Variants in METAP1 observed in about 807,000 individuals in gnomAD.
METAP1 encodes the protein methionyl aminopeptidase 1.
METAP1 carries 28 observed loss-of-function variants against 53.8 expected under a neutral mutation model. That is an observed-to-expected ratio of 0.52 (90% CI 0.39 to 0.71). The LOEUF is 0.71. Among genes scored for constraint, METAP1 ranks in the 30% least tolerant of loss-of-function variants. The probability of loss-of-function intolerance (pLI) is 0.00; values close to 1 mark genes in which losing one functional copy is unlikely to be tolerated. For synonymous variants in METAP1, 181 were observed against 165.7 expected, an observed-to-expected ratio of 1.09 and a Z score of -0.71; for missense variants, 389 against 479.8, an observed-to-expected ratio of 0.81 and a Z score of 1.77.
chr4:99,035,340 T>A (rs1474676556), intron 3 of METAP1, 60 bp from the exon 4 acceptor site: 1 of 1,230,716 alleles, frequency 8.1e-7, no homozygotes. Flanking sequence ...TGGACTTCTT[T>A]CTCCCCTCGT....
chr4:99,022,806 C>T, intron 1 of METAP1: 1 of 1,595,014 alleles, frequency 6.3e-7, no homozygotes, highest in East Asian at 2.3e-5. Flanking sequence ...CGGAACTCCA[C>T]CCATCCCTCT....
Position 99,039,532 on chromosome 4 carries a change from T to C in METAP1, c.432+67T>C, listed in dbSNP as rs1049541445. On this transcript the variant is annotated intron_variant, in intron 5 of 10. Coordinates refer to ENST00000296411, the MANE Select transcript of METAP1 (RefSeq NM_015143.3). Reference sequence around the variant, plus strand: ...CAGTACTTAGACATGAAGTCAGTGGTTTGCTGATTTATAAAGATAGCAAAT... The same window carrying C: ...CAGTACTTAGACATGAAGTCAGTGGCTTGCTGATTTATAAAGATAGCAAAT... 3.2e-6 allele frequency: 3 copies of C among 928,718 alleles called. No individual in the cohort carries two copies. In the African/African-American group the frequency reaches 5.0e-5, roughly 16 times the overall value. 57.5% of individuals were successfully genotyped at this position (928,718 alleles called of 1,614,324 possible). A position where few individuals can be genotyped will look rare whatever the true frequency, so the allele number is the denominator to read the frequency against.
Position 99,061,448 on chromosome 4 carries a change from A to T in METAP1, c.*131A>T. On this transcript the variant is annotated 3_prime_UTR_variant, in exon 11 of 11. Coordinates refer to ENST00000296411, the MANE Select transcript of METAP1 (RefSeq NM_015143.3). ...ACTATAGATAAGAAAGGACTACAGCATTTGATGTGTGTCCTCAAGAACTTG... is the reference window on the plus strand; with the variant it reads ...ACTATAGATAAGAAAGGACTACAGCTTTTGATGTGTGTCCTCAAGAACTTG... 1.3e-6 allele frequency: 1 copy of T among 786,224 alleles called. No individual in the cohort carries two copies. Among genetic ancestry groups the T allele is most frequent in the African/African-American group, 1.8e-5 (1 of 56,126 alleles). 48.7% of individuals were successfully genotyped at this position (786,224 alleles called of 1,614,324 possible).
chr4:99,026,619 T>A, intron 1 of METAP1: 1 of 985,416 alleles, frequency 1.0e-6, no homozygotes, highest in South Asian at 4.7e-5. Flanking sequence ...AAGATTGCCC[T>A]GTTAAGGAGT....
intron 9 of METAP1, among the ~76,000 whole-genome samples, chr4:99,049,509 G>A (rs1726525115): frequency 6.6e-6 from 1 of 152,136 alleles, no homozygotes; most frequent in Non-Finnish European, 1.5e-5. Flanking sequence ...AATAAACAAA[G>A]TGCCTTTCCT....
At chr4:99,035,910 C>T (rs1293103418) in intron 4 of METAP1, 1 of 154,632 alleles carries the variant, frequency 6.5e-6, no homozygotes, top group East Asian at 1.9e-4. Context: ...GATGATGGTT[C>T]TCTAATAATA....
intron 1 of METAP1, among the ~76,000 whole-genome samples, chr4:99,018,369 A>G (rs1474961470): frequency 2.0e-5 from 3 of 152,246 alleles, no homozygotes; most frequent in South Asian, 2.1e-4. Flanking sequence ...AGATATAAGT[A>G]TGTCATCCAT....
chr4:99,036,288 A>G (rs1160767892), intron 4 of METAP1, among the ~76,000 whole-genome samples: 1 of 152,102 alleles, frequency 6.6e-6, no homozygotes, highest in Non-Finnish European at 1.5e-5. Flanking sequence ...TATCATTTTT[A>G]AATTTTAGTT....
At chr4:99,048,693 T>TACTA in intron 8 of METAP1, 40 bp from the exon 9 acceptor site, 1 of 1,597,740 alleles carries the variant, frequency 6.3e-7, no homozygotes, top group South Asian at 1.1e-5. Flanking sequence ...TAGTACGTAT[T>TACTA]AGTTATTAGT....
At chr4:99,009,584 T>C (rs1225993037) in intron 1 of METAP1, among the ~76,000 whole-genome samples, 2 of 152,226 alleles carry the variant, frequency 1.3e-5, no homozygotes, top group Non-Finnish European at 2.9e-5. Context: ...GAGCTGATAC[T>C]TCATAGAGAT....
intron 1 of METAP1, chr4:98,997,598 C>T (rs757678724): frequency 6.5e-6 from 1 of 153,530 alleles, no homozygotes; most frequent in Non-Finnish European, 1.5e-5. Context: ...ATATGTATTA[C>T]AATCTTCTGT....
chr4:99,053,574 G>T (rs548283964), intron 9 of METAP1, among the ~76,000 whole-genome samples: 2 of 152,180 alleles, frequency 1.3e-5, no homozygotes, highest in Non-Finnish European at 1.5e-5. Flanking sequence ...TAATGGCATC[G>T]AGAATGGTGA....
At chr4:99,040,224 C>T (rs942671703) in intron 5 of METAP1, among the ~76,000 whole-genome samples, 5 of 152,098 alleles carry the variant, frequency 3.3e-5, no homozygotes, top group Non-Finnish European at 7.4e-5. Flanking sequence ...GTTTAAGGCT[C>T]AGAGGGTTAT....
chr4:99,000,179 G>A (rs983320676), intron 1 of METAP1, among the ~76,000 whole-genome samples: 4 of 152,170 alleles, frequency 2.6e-5, no homozygotes, highest in African/African-American at 7.2e-5. Context: ...TTTGCTTATG[G>A]TTGAATTTAG....
intron 1 of METAP1, among the ~76,000 whole-genome samples, chr4:98,999,794 A>G (rs1722837765): frequency 6.6e-6 from 1 of 152,016 alleles, no homozygotes; most frequent in African/African-American, 2.4e-5. Flanking sequence ...TACAGGCATG[A>G]GCCACTGTGC....
At chr4:99,027,415 G>T (rs1221460998) in intron 1 of METAP1, among the ~76,000 whole-genome samples, 4 of 152,106 alleles carry the variant, frequency 2.6e-5, no homozygotes, top group Non-Finnish European at 4.4e-5. Context: ...AGTGGCCTGG[G>T]ACAGTCTTTT....
At chr4:99,059,930 T>A (rs1286671668) in intron 10 of METAP1, among the ~76,000 whole-genome samples, 3 of 152,198 alleles carry the variant, frequency 2.0e-5, no homozygotes, top group Non-Finnish European at 4.4e-5. Context: ...TATAATCTGT[T>A]CTCACCATCT....
chr4:98,996,392 C>T (rs1004478393), intron 1 of METAP1, among the ~76,000 whole-genome samples: 17 of 152,228 alleles, frequency 1.1e-4, no homozygotes, highest in Admixed American at 9.2e-4. Context: ...GGCCCGAGGA[C>T]CGTCGGAGTC....
At chr4:99,015,216 A>G (rs1723687055) in intron 1 of METAP1, among the ~76,000 whole-genome samples, 1 of 152,232 alleles carries the variant, frequency 6.6e-6, no homozygotes, top group East Asian at 1.9e-4. Flanking sequence ...CCCTGTCTCA[A>G]TAGCTTAAGT....
Sources: gnomAD v4.1 joint callset for allele counts (sites outside exome capture counted in the v4.1 genomes callset) on GRCh38, gnomAD v4.1.1 for gene constraint, MANE v1.5 for transcripts, NCBI Gene and HGNC (gene_info 2026-07-23, HGNC 2026-07-21) for gene names.